Variants in PDZD8 observed in about 807,000 individuals in gnomAD.
PDZD8 encodes PDZ domain-containing protein 8.
Under a neutral mutation model 85.8 loss-of-function variants are expected in PDZD8, and 14 were observed. The observed-to-expected ratio is 0.16, with a 90% CI of 0.11 to 0.26. The LOEUF (loss-of-function observed/expected upper bound fraction) is 0.26, where lower values mean the gene tolerates loss of function less well. Among genes scored for constraint, PDZD8 ranks in the 10% least tolerant of loss-of-function variants. PDZD8 has a pLI of 1.00. For synonymous variants in PDZD8, 592 were observed against 568.6 expected (o/e 1.04, Z -0.59); for missense variants, 1,197 against 1,424.3 (o/e 0.84, Z 2.57).
chr10:117,297,082 A>G (rs182851070), intron 3 of PDZD8, among the ~76,000 whole-genome samples: 14 of 152,258 alleles, frequency 9.2e-5, no homozygotes, highest in African/African-American at 3.1e-4. Flanking sequence ...TTACAACTAA[A>G]TAAGAAAAAG....
At chr10:117,358,444 C>T (rs1395423739) in intron 1 of PDZD8, among the ~76,000 whole-genome samples, 1 of 151,928 alleles carries the variant, frequency 6.6e-6, no homozygotes, top group East Asian at 1.9e-4. Flanking sequence ...CTATAGTCAT[C>T]TTTCTTTCCC....
chr10:117,324,317 T>C (rs1486957060), intron 2 of PDZD8, among the ~76,000 whole-genome samples: 2 of 147,652 alleles, frequency 1.4e-5, no homozygotes, highest in Non-Finnish European at 3.0e-5. Flanking sequence ...AAGAAACAAA[T>C]GACTTCCAAA....
Position 117,284,112 on chromosome 10 carries a change from T to C in PDZD8, c.2621A>G (p.Tyr874Cys). ...TTCTTGACATTTTTTATGGCAAACA[T>C]AAGCACAAAACATACACTGGGAAGC... is the stretch of plus-strand genomic sequence containing the variant. Reference protein sequence around the residue: ...KAASQCMFCAYVCHKKCQEKC... With the variant: ...KAASQCMFCACVCHKKCQEKC... Residue 874 changes from tyrosine to cysteine, a missense_variant, in exon 5 of 5, where the codon TAT becomes TGT. Physicochemically the swap from Tyr to Cys is radical, Grantham distance 194. This residue lies in a region of PDZD8 where 418 missense variants were observed against 571.1 expected (regional missense o/e 0.73). Coordinates refer to ENST00000334464, the MANE Select transcript of PDZD8 (RefSeq NM_173791.5). 6.2e-7 allele frequency: 1 copy of C among 1,614,200 alleles called. No individual in the cohort carries two copies. Among genetic ancestry groups the C allele is most frequent in the Non-Finnish European group, 8.5e-7 (1 of 1,180,028 alleles).
intron 3 of PDZD8, among the ~76,000 whole-genome samples, chr10:117,301,821 G>T (rs1031114383): frequency 6.6e-6 from 1 of 152,090 alleles, no homozygotes; most frequent in African/African-American, 2.4e-5. Context: ...ATACACATTT[G>T]TTCTTGTTCA....
chr10:117,338,787 T>G (rs541656107), intron 2 of PDZD8, among the ~76,000 whole-genome samples: 2 of 152,302 alleles, frequency 1.3e-5, no homozygotes, highest in East Asian at 1.9e-4. Context: ...ATGCCTTACA[T>G]GCAGTCTTTG....
chr10:117,352,961 C>T (rs942702283), intron 1 of PDZD8, among the ~76,000 whole-genome samples: 10 of 152,098 alleles, frequency 6.6e-5, no homozygotes, highest in African/African-American at 2.4e-4. Flanking sequence ...GGGGCTGAAG[C>T]TGTCCTCCTG....
intron 1 of PDZD8, among the ~76,000 whole-genome samples, chr10:117,358,775 A>C (rs953760349): frequency 6.6e-6 from 1 of 152,218 alleles, no homozygotes; most frequent in Non-Finnish European, 1.5e-5. Flanking sequence ...AAGAATACTA[A>C]TAATAATAGC....
In PDZD8 at chr10:117,284,375, A is replaced by G; in HGVS notation, c.2358T>C (p.Tyr786=). ...MQKGFNDKFC[Y]GDITIHFKYL... ...ATTTGAAGTGAATAGTAATGTCACCATAGCAAAATTTGTCATTGAATCCCT... is the reference window on the plus strand; with the variant it reads ...ATTTGAAGTGAATAGTAATGTCACCGTAGCAAAATTTGTCATTGAATCCCT... Residue 786 remains tyrosine (Y), a synonymous_variant, in exon 5 of 5, where the codon TAT becomes TAC. Transcript: ENST00000334464. 6.2e-7 allele frequency: 1 copy of G among 1,614,222 alleles called. No homozygotes were observed. Among genetic ancestry groups the G allele is most frequent in the Non-Finnish European group, 8.5e-7 (1 of 1,180,040 alleles).
At chr10:117,371,422 T>C (rs375527692) in intron 1 of PDZD8, among the ~76,000 whole-genome samples, 11 of 152,172 alleles carry the variant, frequency 7.2e-5, no homozygotes, top group African/African-American at 2.7e-4. Context: ...TGACCTTAAG[T>C]AATCCGCCTG....
At chr10:117,344,513 G>A (rs371493547) in intron 1 of PDZD8, among the ~76,000 whole-genome samples, 10 of 151,968 alleles carry the variant, frequency 6.6e-5, no homozygotes, top group African/African-American at 2.2e-4. Context: ...TCAGCCTCCC[G>A]AGTAGCTGGG....
chr10:117,320,330 G>A (rs1364462477), intron 2 of PDZD8, among the ~76,000 whole-genome samples: 1 of 152,048 alleles, frequency 6.6e-6, no homozygotes, highest in Non-Finnish European at 1.5e-5. Flanking sequence ...ACCAGCTAGT[G>A]TCCCCAAATT....
chr10:117,347,144 C>T (rs1378781886), intron 1 of PDZD8, among the ~76,000 whole-genome samples: 2 of 151,948 alleles, frequency 1.3e-5, no homozygotes, highest in Non-Finnish European at 2.9e-5. Flanking sequence ...GACAATGGAA[C>T]CGTTTCATTA....
At chr10:117,368,919 A>G (rs4752054) in intron 1 of PDZD8, among the ~76,000 whole-genome samples, 35,702 of 139,386 alleles carry the variant, frequency 0.26, 4,938 homozygotes, top group East Asian at 0.45. Flanking sequence ...ACAGTGGCGC[A>G]ATCTTGGCTC....
chr10:117,367,109 C>T (rs1052505015), intron 1 of PDZD8, among the ~76,000 whole-genome samples: 4 of 152,124 alleles, frequency 2.6e-5, no homozygotes, highest in African/African-American at 9.7e-5. Flanking sequence ...TTGTACATTA[C>T]TGATTTGAAT....
chr10:117,296,800 G>A (rs1843766420), intron 3 of PDZD8, among the ~76,000 whole-genome samples: 1 of 151,978 alleles, frequency 6.6e-6, no homozygotes, highest in Non-Finnish European at 1.5e-5. Context: ...AAAGGAAAAT[G>A]AACCTAAACT....
chr10:117,330,016 G>GGGAA, intron 2 of PDZD8, among the ~76,000 whole-genome samples: 1 of 72,110 alleles, frequency 1.4e-5, no homozygotes, highest in East Asian at 6.0e-4. Flanking sequence ...GAGGGAGGGA[G>GGGAA]GGAGGGAGGG....
In PDZD8 at chr10:117,277,761, A is replaced by G. The variant is rs1844520414; in HGVS notation, c.*5507T>C. ...TGACACTGAATGTTATTTAACTTGT[A>G]GTTACTATCAATATATTTATGCGTT... On this transcript the variant is annotated 3_prime_UTR_variant, in exon 5 of 5. Transcript: ENST00000334464. 6.6e-6 allele frequency: 1 copy of G among 152,302 alleles called. No homozygotes were observed. Among genetic ancestry groups the G allele is most frequent in the African/African-American group, 2.4e-5 (1 of 41,462 alleles). The allele number at this position is 152,302 out of a possible 1,614,324, so 9.4% of individuals were successfully genotyped here.
intron 3 of PDZD8, among the ~76,000 whole-genome samples, chr10:117,308,178 A>G (rs1423771985): frequency 1.1e-4 from 17 of 152,144 alleles, no homozygotes; most frequent in Admixed American, 1.1e-3. Flanking sequence ...CATGGGCAGC[A>G]GCTACTGATC....
chr10:117,362,359 C>A (rs1354127155), intron 1 of PDZD8, among the ~76,000 whole-genome samples: 2 of 152,058 alleles, frequency 1.3e-5, no homozygotes, highest in Non-Finnish European at 2.9e-5. Flanking sequence ...ACTTTTAAAA[C>A]TTTAGATTTT....
Sources: gnomAD v4.1 joint callset for allele counts (sites outside exome capture counted in the v4.1 genomes callset) on GRCh38, gnomAD v4.1.1 for gene constraint, gnomAD v4.1.1 regional missense constraint, MANE v1.5 for transcripts, NCBI Gene and HGNC (gene_info 2026-07-23, HGNC 2026-07-21) for gene names.